GRM5: variants seen among roughly 807,000 people sequenced by gnomAD.
GRM5 encodes the protein glutamate metabotropic receptor 5.
Under a neutral mutation model 83.1 loss-of-function variants are expected in GRM5, and 19 were observed. That is an observed-to-expected ratio of 0.23 (90% CI 0.16 to 0.34). The LOEUF (loss-of-function observed/expected upper bound fraction) is 0.34, where lower values mean the gene tolerates loss of function less well. Among genes scored for constraint, GRM5 ranks in the 10% least tolerant of loss-of-function variants. The pLI, the probability that GRM5 is intolerant of heterozygous loss-of-function variation, is 1.00. For missense variants in GRM5, 1,160 were observed against 1,588.3 expected (o/e 0.73, Z 4.58); for synonymous variants, 675 against 633.6 (o/e 1.07, Z -0.98).
chr11:88,827,545 C>A (rs11824196), intron 3 of GRM5, among the ~76,000 whole-genome samples: 12,021 of 152,246 alleles, frequency 0.079, 825 homozygotes, highest in African/African-American at 0.19. Flanking sequence ...ACTCTTTGAA[C>A]AGCTGACTGT....
At chr11:88,988,933 T>C (rs1939853646) in intron 2 of GRM5, among the ~76,000 whole-genome samples, 2 of 145,486 alleles carry the variant, frequency 1.4e-5, no homozygotes, top group South Asian at 2.3e-4. Context: ...CCATCGAGAC[T>C]AGGAAGAAAC....
chr11:88,509,367 C>A lies in GRM5; in HGVS notation c.2864G>T (p.Ser955Ile). 6.2e-7 allele frequency: 1 copy of A among 1,611,942 alleles called. No individual in the cohort carries two copies. The highest frequency in any genetic ancestry group is 8.5e-7 in the Non-Finnish European group (1 of 1,179,712). The stretch of plus-strand genomic sequence containing the variant: ...AGCGCCCAGGCCACGGCTCTCCGTG[C>A]TCTTGGGGAAGGGCTTGATGACGGC... ...QTAVIKPFPK[S>I]TESRGLGAGA... Residue 955 changes from serine (S) to isoleucine (I), a missense_variant, in exon 10 of 10, where the codon AGC becomes ATC. Around this residue, in one of 9 missense-constraint regions of GRM5, gnomAD observed 562 missense variants for 532.4 expected, o/e 1.06. Transcript: ENST00000305447.
At chr11:88,599,596 G>T (rs1937918378) in intron 5 of GRM5, among the ~76,000 whole-genome samples, 2 of 152,244 alleles carry the variant, frequency 1.3e-5, no homozygotes, top group South Asian at 4.1e-4. Flanking sequence ...CCAACAAAAG[G>T]AAAATAAAGT....
At chr11:88,721,648 G>A (rs965577793) in intron 3 of GRM5, among the ~76,000 whole-genome samples, 7 of 152,008 alleles carry the variant, frequency 4.6e-5, no homozygotes, top group African/African-American at 1.7e-4. Context: ...ACTTGATTTT[G>A]TGCCATTTGG....
intron 4 of GRM5, among the ~76,000 whole-genome samples, chr11:88,612,298 C>A (rs1365381565): frequency 2.7e-5 from 4 of 150,138 alleles, no homozygotes; most frequent in African/African-American, 5.0e-5. Flanking sequence ...GACATGAACC[C>A]ATCATTTTTT....
chr11:88,928,705 A>G (rs1359991482), intron 2 of GRM5, among the ~76,000 whole-genome samples: 5 of 151,972 alleles, frequency 3.3e-5, no homozygotes, highest in Non-Finnish European at 7.4e-5. Context: ...GTCCAGCTCA[A>G]TAAGTGTAAT....
intron 8 of GRM5, among the ~76,000 whole-genome samples, chr11:88,526,921 C>T (rs1201633110): frequency 6.6e-6 from 1 of 151,646 alleles, no homozygotes; most frequent in African/African-American, 2.4e-5. Flanking sequence ...TTAGAATTTA[C>T]CTAACAGTAG....
At chr11:88,579,886 G>A (rs1943188433) in intron 7 of GRM5, among the ~76,000 whole-genome samples, 1 of 152,180 alleles carries the variant, frequency 6.6e-6, no homozygotes, top group South Asian at 2.1e-4. Flanking sequence ...GTAAGTAGGG[G>A]CAAGGGTAGA....
chr11:88,989,657 C>T (rs1939887787), intron 2 of GRM5, among the ~76,000 whole-genome samples: 1 of 136,772 alleles, frequency 7.3e-6, no homozygotes, highest in Admixed American at 7.4e-5. Context: ...TTATAACAAA[C>T]TATCTCTCAG....
intron 3 of GRM5, among the ~76,000 whole-genome samples, chr11:88,826,888 T>C (rs997862279): frequency 2.4e-4 from 36 of 152,338 alleles, no homozygotes; most frequent in African/African-American, 8.2e-4. Flanking sequence ...CAGCCTGCTA[T>C]AGAAACTTCA....
At chr11:88,626,620 G>T (rs770777650) in intron 4 of GRM5, among the ~76,000 whole-genome samples, 6 of 152,172 alleles carry the variant, frequency 3.9e-5, no homozygotes, top group Non-Finnish European at 8.8e-5. Flanking sequence ...AAATGCCAGA[G>T]ACTGTGTGTT....
At chr11:88,932,143 C>A (rs991581171) in intron 2 of GRM5, among the ~76,000 whole-genome samples, 1 of 152,038 alleles carries the variant, frequency 6.6e-6, no homozygotes, top group Admixed American at 6.6e-5. Context: ...TTCAACAATC[C>A]ATTTCAAAAA....
At chr11:88,576,653 T>C (rs1943117462) in intron 7 of GRM5, among the ~76,000 whole-genome samples, 1 of 152,152 alleles carries the variant, frequency 6.6e-6, no homozygotes, top group Admixed American at 6.5e-5. Flanking sequence ...GGTTTTAATC[T>C]GGAGAAACCC....
chr11:88,762,341 A>G (rs1049202858), intron 3 of GRM5, among the ~76,000 whole-genome samples: 10 of 152,134 alleles, frequency 6.6e-5, no homozygotes, highest in African/African-American at 1.4e-4. Flanking sequence ...TCTACAAGTA[A>G]AAAGCAAACA....
chr11:89,037,534 A>C (rs1279563047), intron 2 of GRM5, among the ~76,000 whole-genome samples: 1 of 152,184 alleles, frequency 6.6e-6, no homozygotes, highest in Non-Finnish European at 1.5e-5. Context: ...TTCTCATTTA[A>C]GTAGTAGGAT....
At chr11:88,522,589 C>T (rs961865426) in intron 9 of GRM5, among the ~76,000 whole-genome samples, 3 of 84,132 alleles carry the variant, frequency 3.6e-5, no homozygotes, top group African/African-American at 1.2e-4. Flanking sequence ...CTCTCTCTCG[C>T]TCTCTCTCTC....
chr11:88,703,403 C>T (rs1941081282), intron 3 of GRM5, among the ~76,000 whole-genome samples: 1 of 151,854 alleles, frequency 6.6e-6, no homozygotes, highest in Non-Finnish European at 1.5e-5. Context: ...ATGTAGACAT[C>T]TCATGTTACC....
chr11:88,639,946 A>G (rs937126328), intron 4 of GRM5, among the ~76,000 whole-genome samples: 1 of 152,166 alleles, frequency 6.6e-6, no homozygotes, highest in Non-Finnish European at 1.5e-5. Flanking sequence ...AACTGCCTGC[A>G]CTAAACACTT....
chr11:89,004,676 A>T (rs1333600461), intron 2 of GRM5, among the ~76,000 whole-genome samples: 1 of 152,230 alleles, frequency 6.6e-6, no homozygotes, highest in African/African-American at 2.4e-5. Context: ...TTAGATCTAC[A>T]TTTGAAATGT....
Sources: gnomAD v4.1 joint callset for allele counts (sites outside exome capture counted in the v4.1 genomes callset) on GRCh38, gnomAD v4.1.1 for gene constraint, gnomAD v4.1.1 regional missense constraint, MANE v1.5 for transcripts, NCBI Gene and HGNC (gene_info 2026-07-23, HGNC 2026-07-21) for gene names.